ABRAXAS2: variants seen among roughly 807,000 people sequenced by gnomAD.
ABRAXAS2 encodes the protein BRISC complex subunit Abraxas 2.
ABRAXAS2 carries 23 observed loss-of-function variants against 49.0 expected under a neutral mutation model. That is an observed-to-expected ratio of 0.47 (90% confidence interval 0.34 to 0.66). The LOEUF (loss-of-function observed/expected upper bound fraction) is 0.66, where lower values mean the gene tolerates loss of function less well. Among genes scored for constraint, ABRAXAS2 ranks in the 30% least tolerant of loss-of-function variants. ABRAXAS2 has a pLI of 0.01. For synonymous variants in ABRAXAS2, 168 were observed against 180.2 expected (o/e 0.93, Z 0.54); for missense variants, 443 against 511.9 (o/e 0.87, Z 1.30).
chr10:124,820,855 T>C (rs866010850), intron 4 of ABRAXAS2, among the ~76,000 whole-genome samples: 2 of 152,176 alleles, frequency 1.3e-5, no homozygotes, highest in Non-Finnish European at 2.9e-5. Context: ...GAGCACTCAC[T>C]ACATATTAGA....
intron 1 of ABRAXAS2, among the ~76,000 whole-genome samples, chr10:124,806,109 G>C (rs1320137280): frequency 6.6e-6 from 1 of 151,882 alleles, no homozygotes; most frequent in Non-Finnish European, 1.5e-5. Flanking sequence ...GACCATCCTG[G>C]CTAACACGGT....
intron 3 of ABRAXAS2, 79 bp downstream of exon 3, chr10:124,816,691 G>A: frequency 1.0e-6 from 1 of 997,122 alleles, no homozygotes; most frequent in Non-Finnish European, 1.6e-6. Flanking sequence ...GCCTGTAGCT[G>A]ATTGTGGCTG....
At chr10:124,829,354 T>C (rs1205589102) in intron 6 of ABRAXAS2, 39 bp from the exon 7 acceptor site, 1 of 1,395,100 alleles carries the variant, frequency 7.2e-7, no homozygotes, top group African/African-American at 1.4e-5. Flanking sequence ...ACCGCAGTTA[T>C]GATAACCTTG....
At chr10:124,824,592 CG>C (rs1368297378) in intron 4 of ABRAXAS2, among the ~76,000 whole-genome samples, 1 of 151,396 alleles carries the variant, frequency 6.6e-6, no homozygotes, top group Non-Finnish European at 1.5e-5. Context: ...TAAAATAGTT[CG>C]AATTGGCATA....
intron 8 of ABRAXAS2, among the ~76,000 whole-genome samples, chr10:124,832,400 T>G (rs1950939177): frequency 6.6e-6 from 1 of 152,202 alleles, no homozygotes; most frequent in Admixed American, 6.5e-5. Context: ...TTTATAAATG[T>G]ATGGCAGATA....
At position 124,815,740 on chromosome 10, in the gene ABRAXAS2, C is replaced by A. The variant is rs115446811; in HGVS notation, c.164-836C>A. 2.6e-3 allele frequency among the ~76,000 whole-genome samples: 392 copies of A among 152,168 alleles called. 4 individuals are homozygous for A. The highest frequency in any genetic ancestry group is 8.8e-3 in the African/African-American group (367 of 41,520). ...ACGATCTACCCTGTAATGATTGTTT[C>A]CCTTGGTACTGACCATCTTTGAAAG... On this transcript the variant is annotated intron_variant, in intron 2 of 8. Transcript: ENST00000298492.
intron 7 of ABRAXAS2, 81 bp from the exon 8 acceptor site, chr10:124,831,268 T>C: frequency 1.2e-6 from 1 of 835,626 alleles, no homozygotes; most frequent in Non-Finnish European, 2.0e-6. Context: ...GGACTTTTCC[T>C]GGAGTTGTAA....
Position 124,806,833 on chromosome 10 carries a change from A to G in ABRAXAS2, c.75A>G (p.Glu25=). The G allele has an allele frequency of 4.4e-6, 7 of 1,595,416 alleles. No homozygotes were observed. The highest frequency in any genetic ancestry group is 6.0e-6 in the Non-Finnish European group (7 of 1,169,510). The change falls in exon 2 of 9, where the codon GAA becomes GAG. Residue 25 remains glutamate (E), a splice_region_variant and synonymous_variant. Transcript: ENST00000298492. ...TTATTTTCTTTAATTACTTTTAGGA[A>G]GGATTTTTACTGGGAGAGGTAAGAC... is the stretch of plus-strand genomic sequence containing the variant. ...FHSANSNADH[E]GFLLGEVRQE... is the part of the protein sequence containing the mutation.
At chr10:124,809,849 T>C (rs1352084393) in intron 2 of ABRAXAS2, among the ~76,000 whole-genome samples, 2 of 149,722 alleles carry the variant, frequency 1.3e-5, no homozygotes, top group Non-Finnish European at 3.0e-5. Context: ...ACCTCCCGGG[T>C]TCAAGCGATT....
chr10:124,831,486 C>T (rs752677538), intron 8 of ABRAXAS2, 23 bp downstream of exon 8: 13 of 1,264,622 alleles, frequency 1.0e-5, no homozygotes, highest in East Asian at 2.3e-5. Context: ...TTAATTTTAC[C>T]ATTCAGTATC....
chr10:124,822,188 G>A (rs1413831361), intron 4 of ABRAXAS2, among the ~76,000 whole-genome samples: 2 of 152,130 alleles, frequency 1.3e-5, no homozygotes, highest in Admixed American at 1.3e-4. Context: ...TTCTGTTGGC[G>A]CTTCCATACT....
chr10:124,821,490 C>T (rs1194036415), intron 4 of ABRAXAS2, among the ~76,000 whole-genome samples: 4 of 151,856 alleles, frequency 2.6e-5, no homozygotes, highest in African/African-American at 4.8e-5. Context: ...CGCTTGAACC[C>T]GGGAGGCAGA....
intron 8 of ABRAXAS2, among the ~76,000 whole-genome samples, chr10:124,833,985 A>G (rs1411089254): frequency 6.6e-6 from 1 of 152,196 alleles, no homozygotes; most frequent in Non-Finnish European, 1.5e-5. Flanking sequence ...GTGTATTATG[A>G]AAGAGGTATA....
intron 2 of ABRAXAS2, among the ~76,000 whole-genome samples, chr10:124,811,733 G>A (rs1232902678): frequency 1.8e-4 from 27 of 151,784 alleles, no homozygotes; most frequent in African/African-American, 4.8e-5. Flanking sequence ...GCTAGACTCC[G>A]TCTCAAAAAA....
Position 124,836,665 on chromosome 10 carries a change from A to C in ABRAXAS2, c.*1694A>C, listed in dbSNP as rs1950970286. On this transcript the variant is annotated 3_prime_UTR_variant, in exon 9 of 9. Coordinates refer to ENST00000298492, the MANE Select transcript of ABRAXAS2 (RefSeq NM_032182.4). ...GTGACAATAAAAAACTTATTTAATC[A>C]TGGTACCATTGTTTTAATGTCTGTC... 1 of 152,632 alleles carries C rather than the reference A, an allele frequency of 6.6e-6. No individual in the cohort carries two copies. 9.5% of individuals were successfully genotyped at this position (152,632 alleles called of 1,614,324 possible). A position where few individuals can be genotyped will look rare whatever the true frequency, so the allele number is the denominator to read the frequency against.
At chr10:124,827,063 T>C (rs1201271655) in intron 5 of ABRAXAS2, among the ~76,000 whole-genome samples, 1 of 144,538 alleles carries the variant, frequency 6.9e-6, no homozygotes, top group Non-Finnish European at 1.5e-5. Flanking sequence ...ACTGCACTCC[T>C]GCCTGGCAAC....
chr10:124,814,512 C>T (rs569092360), intron 2 of ABRAXAS2, among the ~76,000 whole-genome samples: 1 of 151,214 alleles, frequency 6.6e-6, no homozygotes, highest in South Asian at 2.1e-4. Context: ...CCATCATGCC[C>T]GACTCATTTT....
intron 1 of ABRAXAS2, among the ~76,000 whole-genome samples, chr10:124,803,588 A>G (rs985073145): frequency 4.6e-5 from 7 of 152,226 alleles, no homozygotes; most frequent in African/African-American, 1.7e-4. Context: ...GAAAGCATCT[A>G]TAGACAATAA....
chr10:124,814,702 T>C (rs1045168639), intron 2 of ABRAXAS2, among the ~76,000 whole-genome samples: 1 of 151,636 alleles, frequency 6.6e-6, no homozygotes, highest in Non-Finnish European at 1.5e-5. Flanking sequence ...CAGGCTGGGG[T>C]GTAGCGACAT....
Sources: gnomAD v4.1 joint callset for allele counts (sites outside exome capture counted in the v4.1 genomes callset) on GRCh38, gnomAD v4.1.1 for gene constraint, MANE v1.5 for transcripts, NCBI Gene and HGNC (gene_info 2026-07-23, HGNC 2026-07-21) for gene names.